Variants in MINPP1 observed in about 807,000 individuals in gnomAD.
MINPP1 encodes multiple inositol-polyphosphate phosphatase 1.
Under a neutral mutation model 46.1 loss-of-function variants are expected in MINPP1, and 28 were observed. The ratio of observed to expected loss-of-function variants is 0.61; its 90% CI spans 0.45 to 0.83. The LOEUF is 0.83. Ranked by LOEUF, MINPP1 falls within the 40% of genes least tolerant of loss-of-function variation. The pLI is 0.00. For synonymous variants in MINPP1, 268 were observed against 249.1 expected (o/e 1.08, Z -0.72); for missense variants, 603 against 610.0 (o/e 0.99, Z 0.12).
At chr10:87,508,591 A>T in intron 2 of MINPP1, 58 bp downstream of exon 2, 1 of 1,488,248 alleles carries the variant, frequency 6.7e-7, no homozygotes, top group East Asian at 2.3e-5. Flanking sequence ...TTGAACTGTG[A>T]AAATGAAAAC....
At chr10:87,507,836 T>C (rs1200586290) in intron 1 of MINPP1, 1 of 1,039,946 alleles carries the variant, frequency 9.6e-7, no homozygotes, top group Non-Finnish European at 1.2e-6. Context: ...CATCAGTGCG[T>C]TTTGTGCTGC....
rs749643952 is a variant in MINPP1 at position 87,521,094 on chromosome 10, T to A, written c.992T>A (p.Ile331Asn). The stretch of plus-strand genomic sequence containing the variant: ...TGGAAAAGAGGATATGGGTATACTA[T>A]TAACAGTCGATCCAGCTGCACCTTG... ...QYWKRGYGYT[I>N]NSRSSCTLFQ... Residue 331 changes from isoleucine (I) to asparagine (N), a missense_variant, in exon 4 of 5, where the codon ATT becomes AAT. Transcript: ENST00000371996. 2.6e-6 allele frequency: 4 copies of A among 1,546,186 alleles called. No homozygotes were observed. The highest frequency in any genetic ancestry group is 3.6e-6 in the Non-Finnish European group (4 of 1,118,872).
chr10:87,532,192 T>G (rs1851670169), intron 4 of MINPP1, among the ~76,000 whole-genome samples: 3 of 152,234 alleles, frequency 2.0e-5, no homozygotes, highest in Non-Finnish European at 4.4e-5. Context: ...GCGTCATTTA[T>G]TAAACTAACT....
intron 4 of MINPP1, among the ~76,000 whole-genome samples, chr10:87,531,710 C>T (rs1243359558): frequency 6.6e-6 from 1 of 152,156 alleles, no homozygotes; most frequent in Admixed American, 6.5e-5. Context: ...CACACCTGAC[C>T]TCCTGTGATG....
chr10:87,512,790 C>T (rs1851354447), intron 2 of MINPP1, among the ~76,000 whole-genome samples: 1 of 151,922 alleles, frequency 6.6e-6, no homozygotes, highest in South Asian at 2.1e-4. Flanking sequence ...GCTGTGATCA[C>T]CACTGCACTC....
intron 3 of MINPP1, among the ~76,000 whole-genome samples, chr10:87,518,406 G>A (rs1851445535): frequency 6.6e-6 from 1 of 151,776 alleles, no homozygotes; most frequent in Non-Finnish European, 1.5e-5. Flanking sequence ...AAATTTCTTA[G>A]TGTTTACGTC....
At chr10:87,534,057 T>C (rs1404827654) in intron 4 of MINPP1, among the ~76,000 whole-genome samples, 2 of 139,536 alleles carry the variant, frequency 1.4e-5, no homozygotes, top group East Asian at 2.1e-4. Flanking sequence ...TTTTTTTTTT[T>C]TTTTTTTTTT....
At position 87,505,545 on chromosome 10, in the gene MINPP1, C is replaced by T. The variant is rs1470685506; in HGVS notation, c.630C>T (p.Asp210=). The T allele has an allele frequency of 2.5e-6, 4 of 1,605,294 alleles. No individual in the cohort carries two copies. The highest frequency in any genetic ancestry group is 2.7e-5 in the African/African-American group (2 of 74,842). Residue 210 remains aspartate (D), a synonymous_variant, in exon 1 of 5, where the codon GAC becomes GAT. Transcript: ENST00000371996. The surrounding 1 kb of genome is among the most constrained non-coding windows in gnomAD (Gnocchi z 4.4). ...QHYHPGLPPP[D]VADMEFGPPT... Reference sequence around the variant, plus strand: ...ACCACCCTGGCTTGCCGCCGCCGGACGTCGCAGGTGACCCCCCGGGCGGCC... The same window carrying T: ...ACCACCCTGGCTTGCCGCCGCCGGATGTCGCAGGTGACCCCCCGGGCGGCC...
At chr10:87,529,023 G>T (rs930408155) in intron 4 of MINPP1, among the ~76,000 whole-genome samples, 2 of 152,102 alleles carry the variant, frequency 1.3e-5, no homozygotes, top group Non-Finnish European at 1.5e-5. Flanking sequence ...CAGAGACTAG[G>T]ATTGCAACCC....
intron 4 of MINPP1, among the ~76,000 whole-genome samples, chr10:87,536,870 G>A (rs1055586620): frequency 6.6e-6 from 1 of 151,924 alleles, no homozygotes; most frequent in African/African-American, 2.4e-5. Flanking sequence ...ATCTTTGTAT[G>A]TTATGATTTG....
chr10:87,526,414 T>G (rs1851577837), intron 4 of MINPP1, among the ~76,000 whole-genome samples: 2 of 152,208 alleles, frequency 1.3e-5, no homozygotes, highest in Admixed American at 1.3e-4. Context: ...CTTGTAAATT[T>G]GTTTAAGTTC....
chr10:87,542,749 T>G (rs1851833952), intron 4 of MINPP1, among the ~76,000 whole-genome samples: 1 of 152,218 alleles, frequency 6.6e-6, no homozygotes, highest in African/African-American at 2.4e-5. Context: ...TGCAGAACCG[T>G]AAGCCAAAAT....
At chr10:87,539,461 G>T (rs1339412906) in intron 4 of MINPP1, among the ~76,000 whole-genome samples, 2 of 152,182 alleles carry the variant, frequency 1.3e-5, no homozygotes, top group Admixed American at 6.5e-5. Flanking sequence ...ACTATGACTA[G>T]TTGGATCAGA....
chr10:87,532,836 C>A (rs977267293), intron 4 of MINPP1, among the ~76,000 whole-genome samples: 1 of 152,144 alleles, frequency 6.6e-6, no homozygotes, highest in Admixed American at 6.5e-5. Context: ...AGGTTCACAG[C>A]AAAATTGAGT....
At position 87,521,057 on chromosome 10, in the gene MINPP1, C is replaced by A; in HGVS notation, c.955C>A (p.Leu319Met). ...TTAGGTATTAGAATATTTAAATGAT[C>A]TGAAACAATATTGGAAAAGAGGATA... Reference protein sequence around the residue: ...DAKVLEYLNDLKQYWKRGYGY... With the variant: ...DAKVLEYLNDMKQYWKRGYGY... The change falls in exon 4 of 5, where the codon CTG becomes ATG. Residue 319 changes from leucine (L) to methionine (M), a missense_variant. Physicochemically the swap from Leu to Met is conservative, Grantham distance 15. Around this residue, in one of 3 missense-constraint regions of MINPP1, gnomAD observed 344 missense variants for 381.1 expected, o/e 0.90. Coordinates refer to ENST00000371996, the MANE Select transcript of MINPP1 (RefSeq NM_004897.5). 1 of 1,217,354 alleles carries A rather than the reference C, an allele frequency of 8.2e-7. No homozygotes were observed. The highest frequency in any genetic ancestry group is 1.2e-6 in the Non-Finnish European group (1 of 825,098). 75.4% of individuals were successfully genotyped at this position (1,217,354 alleles called of 1,614,324 possible). A position where few individuals can be genotyped will look rare whatever the true frequency, so the allele number is the denominator to read the frequency against.
In MINPP1 at chr10:87,505,578, TG is replaced by T. The variant is rs752107977; in HGVS notation, c.637+27del. 9.5e-6 allele frequency: 15 copies of T among 1,584,998 alleles called. No homozygotes were observed. Among genetic ancestry groups the T allele is most frequent in the Middle Eastern group, 2.2e-4 (1 of 4,608 alleles). ...GTGACCCCCCGGGCGGCCCGTGTGCTGTCCCGGTCCTCCCACCCGCCCTGGA... is the reference window on the plus strand; with the variant it reads ...GTGACCCCCCGGGCGGCCCGTGTGCTTCCCGGTCCTCCCACCCGCCCTGGA... On this transcript the variant is annotated intron_variant, in intron 1 of 4. Transcript: ENST00000371996. The surrounding 1 kb of genome is among the most constrained non-coding windows in gnomAD (Gnocchi z 4.4).
At chr10:87,530,186 A>G (rs967848132) in intron 4 of MINPP1, among the ~76,000 whole-genome samples, 17 of 152,164 alleles carry the variant, frequency 1.1e-4, no homozygotes, top group East Asian at 3.9e-4. Flanking sequence ...GTTATTACCA[A>G]TCGTCTGAAG....
At chr10:87,511,085 A>C (rs1851327797) in intron 2 of MINPP1, among the ~76,000 whole-genome samples, 1 of 152,214 alleles carries the variant, frequency 6.6e-6, no homozygotes, top group Non-Finnish European at 1.5e-5. Flanking sequence ...TTCTTCTAAA[A>C]ATTACCCCTT....
At chr10:87,551,871 T>G (rs150142107) in intron 4 of MINPP1, among the ~76,000 whole-genome samples, 2 of 152,262 alleles carry the variant, frequency 1.3e-5, no homozygotes, top group Admixed American at 6.5e-5. Flanking sequence ...TACAGTGATC[T>G]GAATTTCGGA....
Sources: allele counts gnomAD v4.1 joint callset (sites outside exome capture counted in the v4.1 genomes callset), GRCh38; gene constraint gnomAD v4.1.1; regional missense constraint gnomAD v4.1.1; non-coding constraint Gnocchi (gnomAD v3.1); transcripts MANE v1.5; gene names NCBI Gene and HGNC (gene_info 2026-07-23, HGNC 2026-07-21).